Variants in GALNTL6 observed in about 807,000 individuals in gnomAD.
GALNTL6 encodes the protein polypeptide N-acetylgalactosaminyltransferase like 6, also known as polypeptide N-acetylgalactosaminyltransferase-like 6.
GALNTL6 carries 46 observed loss-of-function variants against 73.7 expected under a neutral mutation model. The ratio of observed to expected loss-of-function variants is 0.62; its 90% CI spans 0.49 to 0.80. GALNTL6 has a LOEUF of 0.80. GALNTL6 is among the 30% of genes least tolerant of loss of function. The probability of loss-of-function intolerance (pLI) is 0.00; values close to 1 mark genes in which losing one functional copy is unlikely to be tolerated. For synonymous variants in GALNTL6, 259 were observed against 263.7 expected (o/e 0.98, Z 0.17); for missense variants, 604 against 755.0 (o/e 0.80, Z 2.34).
chr4:173,022,061 AGG>A (rs1393489966), intron 12 of GALNTL6, among the ~76,000 whole-genome samples: 8 of 132,984 alleles, frequency 6.0e-5, no homozygotes, highest in African/African-American at 1.7e-4. Flanking sequence ...GAAGGAAGGA[AGG>A]AAGGAAGGAA....
intron 2 of GALNTL6, among the ~76,000 whole-genome samples, chr4:171,942,916 C>A (rs1421025951): frequency 6.6e-6 from 1 of 152,156 alleles, no homozygotes; most frequent in East Asian, 1.9e-4. Flanking sequence ...ATGGCACAGC[C>A]CAGCCCTCAA....
chr4:171,921,619 A>C (rs2110979613), intron 2 of GALNTL6, among the ~76,000 whole-genome samples: 1 of 152,270 alleles, frequency 6.6e-6, no homozygotes, highest in South Asian at 2.1e-4. Flanking sequence ...ATTTACAGCC[A>C]AAACAAAGCT....
chr4:172,362,260 CATT>C (rs1742396663), intron 5 of GALNTL6, among the ~76,000 whole-genome samples: 1 of 152,052 alleles, frequency 6.6e-6, no homozygotes, highest in African/African-American at 2.4e-5. Flanking sequence ...GTACAACTAG[CATT>C]TCAAAGAATG....
chr4:172,555,980 T>C (rs537155282), intron 5 of GALNTL6, among the ~76,000 whole-genome samples: 2 of 152,222 alleles, frequency 1.3e-5, no homozygotes, highest in South Asian at 4.1e-4. Flanking sequence ...AGGGAACTTT[T>C]AGTGTCTAGA....
At chr4:171,987,282 G>C (rs190010637) in intron 2 of GALNTL6, among the ~76,000 whole-genome samples, 1 of 152,154 alleles carries the variant, frequency 6.6e-6, no homozygotes, top group Non-Finnish European at 1.5e-5. Flanking sequence ...ACGGAGGACC[G>C]TAAGGGATAT....
chr4:172,409,408 AT>A (rs1744354139), intron 5 of GALNTL6, among the ~76,000 whole-genome samples: 1 of 151,988 alleles, frequency 6.6e-6, no homozygotes. Context: ...CAAATATCTA[AT>A]TTTTTGTAAT....
intron 7 of GALNTL6, among the ~76,000 whole-genome samples, chr4:172,876,630 A>T (rs1457588667): frequency 5.9e-5 from 9 of 152,278 alleles, no homozygotes; most frequent in Non-Finnish European, 7.4e-5. Context: ...GCATACCAGG[A>T]GAATAGTCCT....
chr4:172,456,600 CAG>C (rs1732408067), intron 5 of GALNTL6, among the ~76,000 whole-genome samples: 1 of 151,432 alleles, frequency 6.6e-6, no homozygotes, highest in South Asian at 2.1e-4. Flanking sequence ...GAAAGGATAT[CAG>C]AGATTGAAGA....
intron 5 of GALNTL6, among the ~76,000 whole-genome samples, chr4:172,379,644 C>T (rs1743197599): frequency 6.7e-6 from 1 of 148,912 alleles, no homozygotes; most frequent in Admixed American, 6.6e-5. Flanking sequence ...AAACTACCTC[C>T]CCCCTGAAAA....
chr4:172,013,679 T>G (rs1741093421), intron 2 of GALNTL6, among the ~76,000 whole-genome samples: 2 of 152,230 alleles, frequency 1.3e-5, no homozygotes, highest in Middle Eastern at 3.4e-3. Flanking sequence ...ATCCATCACC[T>G]TAAACATTTA....
intron 5 of GALNTL6, among the ~76,000 whole-genome samples, chr4:172,393,034 G>A (rs915596584): frequency 2.6e-5 from 4 of 152,138 alleles, no homozygotes; most frequent in Admixed American, 6.5e-5. Context: ...GCATGCCGGC[G>A]ATCTAGGTTG....
intron 5 of GALNTL6, among the ~76,000 whole-genome samples, chr4:172,462,875 G>C (rs1031552691): frequency 6.6e-6 from 1 of 152,104 alleles, no homozygotes; most frequent in African/African-American, 2.4e-5. Flanking sequence ...TTAGGGTGAG[G>C]ATACTCCAAA....
chr4:172,429,811 A>G (rs1037098689), intron 5 of GALNTL6, among the ~76,000 whole-genome samples: 5 of 152,170 alleles, frequency 3.3e-5, no homozygotes, highest in African/African-American at 9.7e-5. Flanking sequence ...AGTAATACAC[A>G]GGAGAAGTAT....
intron 10 of GALNTL6, among the ~76,000 whole-genome samples, chr4:172,986,784 CT>C (rs1378619793): frequency 6.6e-6 from 1 of 152,170 alleles, no homozygotes; most frequent in Admixed American, 6.5e-5. Context: ...ATTCAAAACA[CT>C]TTTAGTTACA....
intron 2 of GALNTL6, among the ~76,000 whole-genome samples, chr4:171,852,158 TAAC>T (rs1318390258): frequency 6.6e-6 from 1 of 152,230 alleles, no homozygotes; most frequent in Admixed American, 6.5e-5. Flanking sequence ...AAACTTCAAT[TAAC>T]AAGTTAGATT....
intron 5 of GALNTL6, among the ~76,000 whole-genome samples, chr4:172,801,330 T>C (rs770905146): frequency 4.6e-5 from 7 of 152,188 alleles, no homozygotes; most frequent in Non-Finnish European, 8.8e-5. Flanking sequence ...CCAAATGCAT[T>C]CTAAGAGTAG....
At chr4:171,827,799 T>C (rs1734863466) in intron 2 of GALNTL6, among the ~76,000 whole-genome samples, 1 of 152,162 alleles carries the variant, frequency 6.6e-6, no homozygotes, top group Non-Finnish European at 1.5e-5. Flanking sequence ...TTCAATTGAA[T>C]GCTAAGTATA....
intron 5 of GALNTL6, among the ~76,000 whole-genome samples, chr4:172,478,409 G>A (rs746872875): frequency 2.6e-5 from 4 of 152,114 alleles, no homozygotes; most frequent in Non-Finnish European, 4.4e-5. Flanking sequence ...CATGCACTAG[G>A]GAAAGGGCAC....
intron 8 of GALNTL6, among the ~76,000 whole-genome samples, chr4:172,903,698 T>C (rs571904435): frequency 9.2e-5 from 14 of 152,278 alleles, no homozygotes; most frequent in African/African-American, 2.6e-4. Context: ...TTCTCTGTGA[T>C]TTCTAGTTTG....
Sources: allele counts gnomAD v4.1 joint callset (sites outside exome capture counted in the v4.1 genomes callset), GRCh38; gene constraint gnomAD v4.1.1; transcripts MANE v1.5; gene names NCBI Gene and HGNC (gene_info 2026-07-23, HGNC 2026-07-21).